The following PACRG variants were observed in gnomAD, a reference collection of about 807,000 sequenced individuals.
PACRG encodes parkin coregulated gene protein.
A neutral mutation model predicts 29.7 loss-of-function variants in PACRG; 29 were observed. That is an observed-to-expected ratio of 0.98 (90% CI 0.73 to 1.33). PACRG has a LOEUF of 1.33. PACRG is among the 40% of genes most tolerant of loss of function. PACRG has a pLI of 0.00. For synonymous variants in PACRG, 116 were observed against 118.7 expected (o/e 0.98, Z 0.15); for missense variants, 279 against 316.2 (o/e 0.88, Z 0.89).
intron 2 of PACRG, among the ~76,000 whole-genome samples, chr6:162,888,330 C>T (rs896983784): frequency 6.6e-6 from 1 of 152,128 alleles, no homozygotes; most frequent in Admixed American, 6.5e-5. Flanking sequence ...TCTTTCAGCA[C>T]GTGGTGCCAA....
intron 2 of PACRG, among the ~76,000 whole-genome samples, chr6:163,037,491 G>T (rs550538127): frequency 6.6e-6 from 1 of 152,318 alleles, no homozygotes; most frequent in Admixed American, 6.5e-5. Flanking sequence ...GACTGTTGCA[G>T]GTTTGTGGGT....
chr6:163,298,029 T>C (rs1306307162), intron 4 of PACRG, among the ~76,000 whole-genome samples: 2 of 152,162 alleles, frequency 1.3e-5, no homozygotes, highest in Admixed American at 6.5e-5. Context: ...TTAGAAGTGA[T>C]AGTGACTCTT....
At chr6:163,292,442 C>T (rs921645592) in intron 4 of PACRG, among the ~76,000 whole-genome samples, 6 of 152,184 alleles carry the variant, frequency 3.9e-5, no homozygotes, top group Non-Finnish European at 8.8e-5. Context: ...TGCTCTGTCA[C>T]CCAGGCTGGA....
chr6:162,888,843 T>C (rs1276590777), intron 2 of PACRG, among the ~76,000 whole-genome samples: 1 of 152,078 alleles, frequency 6.6e-6, no homozygotes. Flanking sequence ...GAAAAACCCT[T>C]CCCTGAGGCA....
intron 1 of PACRG, among the ~76,000 whole-genome samples, chr6:162,729,538 C>T (rs1779580961): frequency 6.6e-6 from 1 of 152,092 alleles, no homozygotes; most frequent in Non-Finnish European, 1.5e-5. Context: ...TGGAAATGGA[C>T]TAAAATTCTG....
chr6:162,846,335 G>C (rs576910808), intron 2 of PACRG, among the ~76,000 whole-genome samples: 1 of 152,320 alleles, frequency 6.6e-6, no homozygotes, highest in South Asian at 2.1e-4. Context: ...TGCAGTCAGA[G>C]ATACGGGAAG....
chr6:163,257,677 A>G (rs907718767), intron 4 of PACRG, among the ~76,000 whole-genome samples: 6 of 152,212 alleles, frequency 3.9e-5, no homozygotes, highest in African/African-American at 1.4e-4. Flanking sequence ...AATACTGTAT[A>G]TATGTAAGTG....
At chr6:163,131,949 C>G (rs538440526) in intron 4 of PACRG, among the ~76,000 whole-genome samples, 35 of 152,270 alleles carry the variant, frequency 2.3e-4, no homozygotes, top group Non-Finnish European at 4.3e-4. Context: ...AAGACCCAAA[C>G]TTAGTCATAA....
chr6:162,955,907 G>C (rs2128136700), intron 2 of PACRG, among the ~76,000 whole-genome samples: 1 of 152,280 alleles, frequency 6.6e-6, no homozygotes, highest in South Asian at 2.1e-4. Context: ...CCTTGTACGT[G>C]TACACATGCC....
At chr6:163,205,702 T>C (rs2128151748) in intron 4 of PACRG, among the ~76,000 whole-genome samples, 1 of 152,104 alleles carries the variant, frequency 6.6e-6, no homozygotes, top group East Asian at 1.9e-4. Flanking sequence ...AAAACAAAAA[T>C]TTACAAATGG....
intron 2 of PACRG, among the ~76,000 whole-genome samples, chr6:162,874,489 CA>C (rs1410677827): frequency 6.6e-6 from 1 of 152,084 alleles, no homozygotes; most frequent in Non-Finnish European, 1.5e-5. Flanking sequence ...GAATGCCAGC[CA>C]ATTCACCAGA....
At chr6:162,997,676 C>A (rs1804199995) in intron 2 of PACRG, 1 of 241,312 alleles carries the variant, frequency 4.1e-6, no homozygotes, top group Non-Finnish European at 8.3e-6. Flanking sequence ...GTGGTGATTT[C>A]AGTTTCCATT....
chr6:163,151,405 G>A (rs1290638131), intron 4 of PACRG, among the ~76,000 whole-genome samples: 1 of 152,096 alleles, frequency 6.6e-6, no homozygotes, highest in Non-Finnish European at 1.5e-5. Flanking sequence ...CACACTTCAC[G>A]ATGTCTGCAT....
At chr6:162,953,700 C>A (rs1170658723) in intron 2 of PACRG, among the ~76,000 whole-genome samples, 4 of 150,584 alleles carry the variant, frequency 2.7e-5, no homozygotes, top group Non-Finnish European at 5.9e-5. Context: ...AACCCCCCCA[C>A]ACTTTCTCCC....
At chr6:163,188,587 G>A (rs996164662) in intron 4 of PACRG, among the ~76,000 whole-genome samples, 5 of 152,182 alleles carry the variant, frequency 3.3e-5, no homozygotes, top group Non-Finnish European at 5.9e-5. Context: ...TGAGAAGGTC[G>A]TCTCCAGCCT....
At chr6:162,760,394 G>A (rs149348655) in intron 1 of PACRG, among the ~76,000 whole-genome samples, 1 of 152,178 alleles carries the variant, frequency 6.6e-6, no homozygotes, top group Non-Finnish European at 1.5e-5. Context: ...TGAAGCACCA[G>A]GCCACGCTGT....
At chr6:162,890,248 T>G (rs1554298788) in intron 2 of PACRG, among the ~76,000 whole-genome samples, 1 of 152,206 alleles carries the variant, frequency 6.6e-6, no homozygotes, top group Non-Finnish European at 1.5e-5. Flanking sequence ...AAAAAAGATT[T>G]AAGTGATAAA....
intron 4 of PACRG, among the ~76,000 whole-genome samples, chr6:163,210,633 T>C (rs921394658): frequency 2.6e-5 from 4 of 152,226 alleles, no homozygotes; most frequent in Non-Finnish European, 4.4e-5. Context: ...TAACGCATAC[T>C]GAAGCAGCCA....
chr6:163,264,164 A>G (rs1183126082), intron 4 of PACRG, among the ~76,000 whole-genome samples: 1 of 152,184 alleles, frequency 6.6e-6, no homozygotes, highest in Non-Finnish European at 1.5e-5. Context: ...TCATCGGGGA[A>G]TGTAACTTCT....
Sources: gnomAD v4.1 joint callset for allele counts (sites outside exome capture counted in the v4.1 genomes callset) on GRCh38, gnomAD v4.1.1 for gene constraint, MANE v1.5 for transcripts, NCBI Gene and HGNC (gene_info 2026-07-23, HGNC 2026-07-21) for gene names.